The following SRGAP3 variants were observed in gnomAD, a reference collection of about 807,000 sequenced individuals.
The protein encoded by SRGAP3 is SLIT-ROBO Rho GTPase-activating protein 3.
Under a neutral mutation model 121.1 loss-of-function variants are expected in SRGAP3, and 39 were observed. That is an observed-to-expected ratio of 0.32 (90% CI 0.25 to 0.42). The LOEUF (loss-of-function observed/expected upper bound fraction) is 0.42. SRGAP3 is among the 10% of genes least tolerant of loss of function. The pLI, the probability that SRGAP3 is intolerant of heterozygous loss-of-function variation, is 1.00. For synonymous variants in SRGAP3, 601 were observed against 570.0 expected, an observed-to-expected ratio of 1.05 and a Z score of -0.77; for missense variants, 1,213 against 1,470.6, an observed-to-expected ratio of 0.82 and a Z score of 2.86.
intron 14 of SRGAP3, chr3:9,015,966 C>T: frequency 3.6e-6 from 2 of 555,080 alleles, no homozygotes; most frequent in South Asian, 4.2e-5. Context: ...ACGCCCATCA[C>T]CCTTCGCTTA....
chr3:9,275,508 C>T (rs779399780), intron 3 of SRGAP3, among the ~76,000 whole-genome samples: 1 of 152,154 alleles, frequency 6.6e-6, no homozygotes, highest in Non-Finnish European at 1.5e-5. Context: ...CAAATCTCAC[C>T]TTGAATTGTA....
chr3:9,228,434 A>C (rs533356095), intron 1 of SRGAP3, among the ~76,000 whole-genome samples: 1 of 152,340 alleles, frequency 6.6e-6, no homozygotes, highest in African/African-American at 2.4e-5. Flanking sequence ...CTTCCTGCCT[A>C]GTGCTCAGGG....
At chr3:9,049,467 C>A (rs610457) in intron 9 of SRGAP3, 17 of 455,854 alleles carry the variant, frequency 3.7e-5, no homozygotes, top group East Asian at 2.1e-4. Context: ...CATCAGGCCC[C>A]TTCTACCCAG....
chr3:8,991,664 A>G (rs1367398392), intron 20 of SRGAP3, among the ~76,000 whole-genome samples: 1 of 152,170 alleles, frequency 6.6e-6, no homozygotes, highest in Non-Finnish European at 1.5e-5. Flanking sequence ...TGAAGATAAG[A>G]GGTTCTATAC....
intron 1 of SRGAP3, chr3:9,348,797 G>C (rs758537148): frequency 3.2e-5 from 44 of 1,373,598 alleles, no homozygotes; most frequent in Admixed American, 8.4e-5. Context: ...GCACTCCTAT[G>C]ATGTCCCACC....
chr3:9,277,338 G>A (rs536932075), intron 3 of SRGAP3, among the ~76,000 whole-genome samples: 6 of 152,084 alleles, frequency 3.9e-5, no homozygotes, highest in African/African-American at 7.2e-5. Flanking sequence ...GGTGGCTTAC[G>A]CCTGTAATCC....
At position 9,015,750 on chromosome 3, in the gene SRGAP3, C is replaced by G; in HGVS notation, c.1679-19G>C. 6.2e-7 allele frequency: 1 copy of G among 1,613,908 alleles called. No homozygotes were observed. Among genetic ancestry groups the G allele is most frequent in the Non-Finnish European group, 8.5e-7 (1 of 1,179,994 alleles). Reference sequence around the variant, plus strand: ...TCTTCACCTGAGTGGAAACAAGAGACGAGATGATATTTCAGCTTGGGAAGG... The same window carrying G: ...TCTTCACCTGAGTGGAAACAAGAGAGGAGATGATATTTCAGCTTGGGAAGG... On this transcript the variant is annotated intron_variant, in intron 14 of 21. Coordinates refer to ENST00000383836, the MANE Select transcript of SRGAP3 (RefSeq NM_014850.4).
chr3:9,217,271 G>A (rs1423798724), intron 1 of SRGAP3: 1 of 152,112 alleles, frequency 6.6e-6, no homozygotes, highest in African/African-American at 2.4e-5. Context: ...CAGCCCTAAG[G>A]TCTAAATGAA....
Position 8,985,652 on chromosome 3 carries a change from G to A in SRGAP3, c.3167C>T (p.Pro1056Leu), listed in dbSNP as rs773507636. 4 of 1,595,548 alleles carry A rather than the reference G, an allele frequency of 2.5e-6. No homozygotes were observed. The highest frequency in any genetic ancestry group is 4.5e-5 in the East Asian group (2 of 44,750). Residue 1056 changes from proline to leucine, a missense_variant, in exon 22 of 22, where the codon CCC becomes CTC. Physicochemically the swap from Pro to Leu is moderately conservative, Grantham distance 98. This residue lies in a region of SRGAP3 where 420 missense variants were observed against 437.7 expected (regional missense o/e 0.96). Transcript: ENST00000383836. The surrounding 1 kb of genome is among the most constrained non-coding windows in gnomAD (Gnocchi z 5.1). The stretch of plus-strand genomic sequence containing the variant: ...GACCACCGGCCGCACGGGCCGCATG[G>A]GGGGCGGGCGGAGCTGGGCGCCAGC... ...RLAGAQLRPP[P>L]MRPVRPVVQH...
intron 18 of SRGAP3, among the ~76,000 whole-genome samples, chr3:9,005,222 T>A (rs341795): frequency 0.58 from 87,517 of 152,032 alleles, 25,550 homozygotes; most frequent in African/African-American, 0.67. Context: ...CAAACCTCAA[T>A]AAGATGCAAC....
At chr3:9,303,424 CAA>C (rs549883408) in intron 3 of SRGAP3, among the ~76,000 whole-genome samples, 26 of 87,430 alleles carry the variant, frequency 3.0e-4, no homozygotes, top group Admixed American at 6.5e-4. Context: ...GACTCCATCT[CAA>C]AAAAAAAAAA....
chr3:9,144,981 A>G (rs1429569867), intron 1 of SRGAP3, among the ~76,000 whole-genome samples: 2 of 152,230 alleles, frequency 1.3e-5, no homozygotes, highest in African/African-American at 4.8e-5. Context: ...CTGAAAATTC[A>G]TTGTTATTCA....
intron 3 of SRGAP3, among the ~76,000 whole-genome samples, chr3:9,293,728 G>A (rs1954905855): frequency 1.3e-5 from 2 of 151,798 alleles, no homozygotes; most frequent in African/African-American, 4.8e-5. Flanking sequence ...ACAAACATAC[G>A]AAAAAAAATC....
intron 1 of SRGAP3, among the ~76,000 whole-genome samples, chr3:9,159,750 G>T (rs373668636): frequency 1.3e-5 from 2 of 152,148 alleles, no homozygotes; most frequent in Non-Finnish European, 2.9e-5. Context: ...TCTCACACTT[G>T]TCCCACTTTG....
intron 1 of SRGAP3, among the ~76,000 whole-genome samples, chr3:9,170,108 A>T (rs891939218): frequency 5.3e-5 from 8 of 152,212 alleles, no homozygotes; most frequent in African/African-American, 1.4e-4. Context: ...GGAAGCACAG[A>T]TGAAATGATA....
intron 1 of SRGAP3, among the ~76,000 whole-genome samples, chr3:9,165,140 C>G (rs978953717): frequency 2.6e-5 from 4 of 152,234 alleles, no homozygotes; most frequent in African/African-American, 9.6e-5. Context: ...GTCTCCAGTG[C>G]CACATTCAGA....
intron 1 of SRGAP3, among the ~76,000 whole-genome samples, chr3:9,156,715 A>G (rs1333145124): frequency 1.3e-4 from 20 of 152,138 alleles, no homozygotes; most frequent in Non-Finnish European, 1.3e-4. Flanking sequence ...TCACTAAAGC[A>G]TTGAGGCTTT....
chr3:8,989,262 T>A (rs1041326045), intron 21 of SRGAP3, among the ~76,000 whole-genome samples: 14 of 152,202 alleles, frequency 9.2e-5, no homozygotes, highest in Non-Finnish European at 1.5e-4. Context: ...TTCCAGATGA[T>A]GGTGGGTGCT....
intron 3 of SRGAP3, chr3:9,257,272 G>A (rs1316872882): frequency 6.5e-6 from 1 of 153,602 alleles, no homozygotes; most frequent in Non-Finnish European, 1.4e-5. Flanking sequence ...AGGTAATTAG[G>A]GTTAAATGAG....
Sources: gnomAD v4.1 joint callset for allele counts (sites outside exome capture counted in the v4.1 genomes callset) on GRCh38, gnomAD v4.1.1 for gene constraint, gnomAD v4.1.1 regional missense constraint, Gnocchi (gnomAD v3.1) non-coding constraint, MANE v1.5 for transcripts, NCBI Gene and HGNC (gene_info 2026-07-23, HGNC 2026-07-21) for gene names.